Variants in FTCDNL1 observed in about 807,000 individuals in gnomAD.
FTCDNL1 encodes the protein formiminotransferase cyclodeaminase N-terminal like.
A neutral mutation model predicts 5.9 loss-of-function variants in FTCDNL1; 11 were observed. That is an observed-to-expected ratio of 1.87 (90% confidence interval 1.18 to 3.10). FTCDNL1 has a LOEUF of 3.10. Ranked by LOEUF, FTCDNL1 falls within the 30% of genes most tolerant of loss-of-function variation. The probability of loss-of-function intolerance (pLI) is 0.00; values close to 1 mark genes in which losing one functional copy is unlikely to be tolerated. For synonymous variants in FTCDNL1, 58 were observed against 24.8 expected, an observed-to-expected ratio of 2.34 and a Z score of -3.99; for missense variants, 115 against 65.5, an observed-to-expected ratio of 1.76 and a Z score of -2.61.
the FTCDNL1 span, among the ~76,000 whole-genome samples, chr2:199,673,877 G>A: frequency 9.9e-5 from 15 of 152,076 alleles, no homozygotes; most frequent in African/African-American, 3.4e-4. Flanking sequence ...GATTTTCCAA[G>A]TTAAAACACA....
the FTCDNL1 span, among the ~76,000 whole-genome samples, chr2:199,721,921 C>A: frequency 5.9e-5 from 9 of 152,284 alleles, no homozygotes; most frequent in Non-Finnish European, 7.4e-5. Flanking sequence ...GCATAGATGT[C>A]TTCTTTTGAG....
At chr2:199,702,546 T>A in the FTCDNL1 span, among the ~76,000 whole-genome samples, 6 of 152,170 alleles carry the variant, frequency 3.9e-5, no homozygotes, top group African/African-American at 1.4e-4. Flanking sequence ...AAATGAATAT[T>A]AGCAGGTCAA....
chr2:199,694,340 T>C, the FTCDNL1 span, among the ~76,000 whole-genome samples: 331 of 152,340 alleles, frequency 2.2e-3, no homozygotes, highest in Middle Eastern at 0.054. Context: ...GATGAAGAGA[T>C]GACTAGATGC....
chr2:199,733,369 G>T, the FTCDNL1 span, among the ~76,000 whole-genome samples: 1 of 152,150 alleles, frequency 6.6e-6, no homozygotes, highest in Non-Finnish European at 1.5e-5. Context: ...GGCTAGTAAT[G>T]GTGCAAGCAA....
chr2:199,783,124 G>C (rs974044980), intron 3 of FTCDNL1, among the ~76,000 whole-genome samples: 2 of 152,196 alleles, frequency 1.3e-5, no homozygotes, highest in Admixed American at 1.3e-4. Flanking sequence ...AGGGAGCCTG[G>C]TTCTGAAGCA....
At chr2:199,725,255 TTCTTTTGAGCCTATGTGTG>T in the FTCDNL1 span, among the ~76,000 whole-genome samples, 1 of 152,210 alleles carries the variant, frequency 6.6e-6, no homozygotes, top group African/African-American at 2.4e-5. Flanking sequence ...CTTCATCCTT[TTCTTTTGAGCCTATGTGTG>T]TCTTTGCAAG....
At chr2:199,767,590 G>A (rs1698596178) in intron 3 of FTCDNL1, among the ~76,000 whole-genome samples, 1 of 152,192 alleles carries the variant, frequency 6.6e-6, no homozygotes, top group East Asian at 1.9e-4. Flanking sequence ...ATTAGGCCAT[G>A]GGGGATCTGC....
chr2:199,739,941 G>A, the FTCDNL1 span, among the ~76,000 whole-genome samples: 115,121 of 151,994 alleles, frequency 0.76, 47,285 homozygotes, highest in South Asian at 0.96. Flanking sequence ...ACACGGTGGG[G>A]TTTGCGAACT....
chr2:199,726,834 T>G, the FTCDNL1 span, among the ~76,000 whole-genome samples: 1 of 152,110 alleles, frequency 6.6e-6, no homozygotes, highest in Non-Finnish European at 1.5e-5. Context: ...GTGGGAACAC[T>G]CCTGTATAAG....
At chr2:199,752,519 A>G in the FTCDNL1 span, among the ~76,000 whole-genome samples, 1 of 152,136 alleles carries the variant, frequency 6.6e-6, no homozygotes, top group Non-Finnish European at 1.5e-5. Context: ...CCAATCAGTC[A>G]AAGGCCTGAA....
the FTCDNL1 span, among the ~76,000 whole-genome samples, chr2:199,753,254 G>T: frequency 3.9e-5 from 6 of 152,180 alleles, no homozygotes; most frequent in African/African-American, 1.4e-4. Flanking sequence ...TTTTAGAGAA[G>T]CTGAAAAACA....
the FTCDNL1 span, among the ~76,000 whole-genome samples, chr2:199,738,949 G>A: frequency 1.3e-5 from 2 of 152,102 alleles, no homozygotes; most frequent in Non-Finnish European, 1.5e-5. Flanking sequence ...ATGTATTTCA[G>A]TTAAATTTCG....
the FTCDNL1 span, among the ~76,000 whole-genome samples, chr2:199,735,565 G>A: frequency 2.2e-3 from 342 of 152,104 alleles, no homozygotes; most frequent in Non-Finnish European, 4.1e-3. Flanking sequence ...CATATCTTTA[G>A]TGGTGAGCAA....
intron 3 of FTCDNL1, among the ~76,000 whole-genome samples, chr2:199,827,547 G>C (rs759871151): frequency 7.9e-5 from 12 of 152,036 alleles, no homozygotes; most frequent in South Asian, 4.1e-4. Context: ...GAATTGCTTA[G>C]AGATGTATAT....
the FTCDNL1 span, among the ~76,000 whole-genome samples, chr2:199,680,700 G>T: frequency 7.5e-3 from 1,149 of 152,254 alleles, 9 homozygotes; most frequent in Non-Finnish European, 0.012. Context: ...TCAGACACTC[G>T]CATGGTTTCC....
chr2:199,695,408 G>A, the FTCDNL1 span, among the ~76,000 whole-genome samples: 1 of 152,158 alleles, frequency 6.6e-6, no homozygotes, highest in Non-Finnish European at 1.5e-5. Flanking sequence ...AGCCCAAACT[G>A]AGATGTATTA....
intron 3 of FTCDNL1, among the ~76,000 whole-genome samples, chr2:199,834,866 G>A (rs954285451): frequency 6.6e-6 from 1 of 152,128 alleles, no homozygotes; most frequent in African/African-American, 2.4e-5. Flanking sequence ...CTTTCCCAAA[G>A]CCTCTGCTTT....
the FTCDNL1 span, among the ~76,000 whole-genome samples, chr2:199,729,853 T>G: frequency 6.6e-6 from 1 of 152,200 alleles, no homozygotes; most frequent in Non-Finnish European, 1.5e-5. Flanking sequence ...AAAAACTACT[T>G]TAAATTTTAT....
At chr2:199,840,482 G>C (rs1559243786) in intron 3 of FTCDNL1, among the ~76,000 whole-genome samples, 1 of 152,008 alleles carries the variant, frequency 6.6e-6, no homozygotes, top group Non-Finnish European at 1.5e-5. Flanking sequence ...GTTTGTGTGA[G>C]TGTGTGTGTG....
Sources: gnomAD v4.1 joint callset for allele counts (sites outside exome capture counted in the v4.1 genomes callset) on GRCh38, gnomAD v4.1.1 for gene constraint, MANE v1.5 for transcripts, NCBI Gene and HGNC (gene_info 2026-07-23, HGNC 2026-07-21) for gene names.